The following RORA variants were observed in gnomAD, a reference collection of about 807,000 sequenced individuals.
RORA encodes nuclear receptor ROR-alpha.
RORA carries 7 observed loss-of-function variants against 69.5 expected under a neutral mutation model. That is an observed-to-expected ratio of 0.10 (90% CI 0.06 to 0.19). The LOEUF (loss-of-function observed/expected upper bound fraction) is 0.19, where lower values mean the gene tolerates loss of function less well. Ranked by LOEUF, RORA falls within the 10% of genes least tolerant of loss-of-function variation. The pLI, the probability that RORA is intolerant of heterozygous loss-of-function variation, is 1.00. For missense variants in RORA, 457 were observed against 663.0 expected (o/e 0.69, Z 3.41); for synonymous variants, 261 against 240.8 (o/e 1.08, Z -0.78).
At chr15:61,212,780 A>G (rs974494252) in intron 1 of RORA, among the ~76,000 whole-genome samples, 8 of 152,130 alleles carry the variant, frequency 5.3e-5, no homozygotes, top group African/African-American at 1.9e-4. Context: ...CATCGTACCA[A>G]TCCAAGCCCT....
chr15:60,804,271 A>G (rs1350503505), intron 1 of RORA, among the ~76,000 whole-genome samples: 3 of 143,794 alleles, frequency 2.1e-5, no homozygotes, highest in Non-Finnish European at 4.6e-5. Context: ...CTGGGCAACA[A>G]GAGCAAACTC....
chr15:60,831,228 A>G (rs2073037826), intron 1 of RORA, among the ~76,000 whole-genome samples: 1 of 152,084 alleles, frequency 6.6e-6, no homozygotes, highest in South Asian at 2.1e-4. Flanking sequence ...TTGAAGCTGG[A>G]GCATTTGACA....
chr15:61,060,339 C>T (rs1260305719), intron 1 of RORA, among the ~76,000 whole-genome samples: 1 of 152,144 alleles, frequency 6.6e-6, no homozygotes, highest in Non-Finnish European at 1.5e-5. Context: ...TCCTTCCTTC[C>T]ACTACTCATT....
At chr15:61,030,720 C>G (rs1247707564) in intron 1 of RORA, among the ~76,000 whole-genome samples, 1 of 151,922 alleles carries the variant, frequency 6.6e-6, no homozygotes, top group Admixed American at 6.6e-5. Flanking sequence ...CATTCGAGAA[C>G]TGAAAAAAAT....
intron 1 of RORA, among the ~76,000 whole-genome samples, chr15:60,865,247 C>T (rs2073474981): frequency 6.6e-6 from 1 of 152,162 alleles, no homozygotes; most frequent in Non-Finnish European, 1.5e-5. Flanking sequence ...AAACCTGGCT[C>T]TTTACTTCCT....
chr15:60,761,350 G>A (rs1275521915), intron 1 of RORA, among the ~76,000 whole-genome samples: 1 of 152,076 alleles, frequency 6.6e-6, no homozygotes, highest in Admixed American at 6.6e-5. Flanking sequence ...AAACCACCCA[G>A]AACGCAATGA....
At chr15:60,512,773 T>C (rs1202167906) in intron 4 of RORA, among the ~76,000 whole-genome samples, 4 of 152,230 alleles carry the variant, frequency 2.6e-5, no homozygotes, top group African/African-American at 9.6e-5. Flanking sequence ...AGTGGAGCAG[T>C]CACTATAATG....
At chr15:60,543,384 A>G (rs1247536144) in intron 2 of RORA, among the ~76,000 whole-genome samples, 1 of 151,970 alleles carries the variant, frequency 6.6e-6, no homozygotes. Context: ...AACGAGCCCT[A>G]TCTCATTATT....
chr15:60,943,678 G>A (rs1437793082), intron 1 of RORA, among the ~76,000 whole-genome samples: 1 of 152,002 alleles, frequency 6.6e-6, no homozygotes, highest in Non-Finnish European at 1.5e-5. Flanking sequence ...CACTTTGGGA[G>A]GCTGAGGTGG....
chr15:60,739,726 G>A (rs568732497), intron 1 of RORA, among the ~76,000 whole-genome samples: 1 of 152,268 alleles, frequency 6.6e-6, no homozygotes, highest in South Asian at 2.1e-4. Flanking sequence ...TGACTTAGGA[G>A]CAAACCTTCC....
At chr15:60,941,863 C>T (rs11071573) in intron 1 of RORA, among the ~76,000 whole-genome samples, 38,738 of 151,736 alleles carry the variant, frequency 0.26, 5,356 homozygotes, top group Middle Eastern at 0.34. Flanking sequence ...ACGTGCAAAC[C>T]GGAAACTGGT....
intron 1 of RORA, among the ~76,000 whole-genome samples, chr15:61,005,932 C>G (rs1377377540): frequency 6.6e-6 from 1 of 151,668 alleles, no homozygotes; most frequent in East Asian, 1.9e-4. Flanking sequence ...AGGCTTAGAG[C>G]CATATATATA....
chr15:60,996,400 T>C (rs1894536477), intron 1 of RORA, among the ~76,000 whole-genome samples: 2 of 152,198 alleles, frequency 1.3e-5, no homozygotes, highest in Non-Finnish European at 1.5e-5. Flanking sequence ...GGTGGTTACA[T>C]GGGTATATAC....
At chr15:60,950,978 G>A (rs1432210720) in intron 1 of RORA, among the ~76,000 whole-genome samples, 2 of 150,744 alleles carry the variant, frequency 1.3e-5, no homozygotes, top group East Asian at 3.9e-4. Flanking sequence ...CAAATCAACA[G>A]AATATACATT....
intron 3 of RORA, chr15:60,529,927 G>A (rs540268163): frequency 1.3e-5 from 2 of 152,302 alleles, no homozygotes; most frequent in East Asian, 3.9e-4. Context: ...GAAGCCATCA[G>A]TTTTTTGGGC....
intron 3 of RORA, among the ~76,000 whole-genome samples, chr15:60,524,711 A>C (rs886559881): frequency 6.6e-6 from 1 of 152,200 alleles, no homozygotes; most frequent in South Asian, 2.1e-4. Flanking sequence ...GTCAATAAAT[A>C]CTTGTTGAAC....
chr15:60,797,242 C>T (rs1251282021), intron 1 of RORA, among the ~76,000 whole-genome samples: 2 of 151,926 alleles, frequency 1.3e-5, no homozygotes, highest in South Asian at 2.1e-4. Flanking sequence ...CTGAATTGCA[C>T]ACTTAAAAAT....
intron 1 of RORA, among the ~76,000 whole-genome samples, chr15:60,943,783 G>C (rs1892775520): frequency 6.6e-6 from 1 of 151,686 alleles, no homozygotes; most frequent in Non-Finnish European, 1.5e-5. Flanking sequence ...AGGCGTGGTA[G>C]CGTGTGCCTG....
chr15:61,069,575 A>C (rs1254465623), intron 1 of RORA, among the ~76,000 whole-genome samples: 1 of 152,190 alleles, frequency 6.6e-6, no homozygotes, highest in Non-Finnish European at 1.5e-5. Context: ...ATTGACTAGC[A>C]AAGTGTCATC....
Sources: gnomAD v4.1 joint callset for allele counts (sites outside exome capture counted in the v4.1 genomes callset) on GRCh38, gnomAD v4.1.1 for gene constraint, MANE v1.5 for transcripts, NCBI Gene and HGNC (gene_info 2026-07-23, HGNC 2026-07-21) for gene names.